Variants in NAALADL2 observed in about 807,000 individuals in gnomAD.
NAALADL2 encodes the protein N-acetylated alpha-linked acidic dipeptidase like 2, also known as inactive N-acetylated-alpha-linked acidic dipeptidase-like protein 2.
A neutral mutation model predicts 87.2 loss-of-function variants in NAALADL2; 76 were observed. The ratio of observed to expected loss-of-function variants is 0.87; its 90% confidence interval spans 0.72 to 1.05. NAALADL2 has a LOEUF of 1.05. Ranked by LOEUF, NAALADL2 falls within the 50% of genes least tolerant of loss-of-function variation. NAALADL2 has a pLI of 0.00. For missense variants in NAALADL2, 1,089 were observed against 945.8 expected (o/e 1.15, Z -1.99); for synonymous variants, 354 against 331.0 (o/e 1.07, Z -0.75).
At chr3:175,603,077 TAGCAGCTTC>T (rs1234518727) in intron 10 of NAALADL2, among the ~76,000 whole-genome samples, 3 of 152,206 alleles carry the variant, frequency 2.0e-5, no homozygotes, top group Non-Finnish European at 4.4e-5. Context: ...TTCAATGCAG[TAGCAGCTTC>T]AGTAACTTTA....
At chr3:175,274,214 C>T (rs1413285258) in intron 4 of NAALADL2, among the ~76,000 whole-genome samples, 1 of 152,048 alleles carries the variant, frequency 6.6e-6, no homozygotes. Flanking sequence ...AGGGGAACTG[C>T]CCTTTTATAG....
intron 2 of NAALADL2, among the ~76,000 whole-genome samples, chr3:174,682,267 T>G (rs2108829496): frequency 6.6e-6 from 1 of 152,236 alleles, no homozygotes; most frequent in Non-Finnish European, 1.5e-5. Flanking sequence ...TTTCCTGAGG[T>G]TTCCAGATAC....
At chr3:175,474,358 T>G (rs535899084) in intron 9 of NAALADL2, among the ~76,000 whole-genome samples, 1 of 152,204 alleles carries the variant, frequency 6.6e-6, no homozygotes, top group African/African-American at 2.4e-5. Flanking sequence ...GATGTTTTAA[T>G]GGATTACAAG....
At chr3:174,966,695 C>T (rs537227935) in intron 1 of NAALADL2, among the ~76,000 whole-genome samples, 21 of 152,082 alleles carry the variant, frequency 1.4e-4, no homozygotes, top group African/African-American at 4.8e-4. Flanking sequence ...TTGACATACC[C>T]AAGTAACATA....
At chr3:174,874,464 A>G (rs979092066) in intron 1 of NAALADL2, among the ~76,000 whole-genome samples, 2 of 152,086 alleles carry the variant, frequency 1.3e-5, no homozygotes, top group Non-Finnish European at 2.9e-5. Flanking sequence ...TGCACCTCAA[A>G]GTGATTAAGA....
intron 3 of NAALADL2, among the ~76,000 whole-genome samples, chr3:174,851,362 T>TTA (rs1418855923): frequency 6.5e-5 from 7 of 107,846 alleles, no homozygotes; most frequent in Admixed American, 4.4e-4. Context: ...TCAGCCAGAC[T>TTA]AAAAAAAAAA....
chr3:175,278,125 C>CAAA lies in NAALADL2; in HGVS notation c.939+21597_939+21598insAAA, dbSNP rs1581233998. On this transcript the variant is annotated intron_variant, in intron 4 of 13. Coordinates refer to ENST00000454872, the MANE Select transcript of NAALADL2 (RefSeq NM_207015.3). ...TGGGCGACAAAGCGAGACTCCGTCT[C>CAAA]AATAATAATAATAATAATAATTTAG... Among the ~76,000 whole-genome samples the CAAA allele has an allele frequency of 2.6e-5, 4 of 151,876 alleles. 1 individual carries two copies. The South Asian group carries it at 8.3e-4, about 32-fold the overall frequency.
At chr3:174,690,398 G>T (rs1336239960) in intron 2 of NAALADL2, among the ~76,000 whole-genome samples, 1 of 152,020 alleles carries the variant, frequency 6.6e-6, no homozygotes, top group African/African-American at 2.4e-5. Flanking sequence ...ACATTTATCT[G>T]TCTGGATACA....
At chr3:174,618,383 T>A (rs561954057) in intron 2 of NAALADL2, among the ~76,000 whole-genome samples, 1 of 151,412 alleles carries the variant, frequency 6.6e-6, no homozygotes, top group East Asian at 1.9e-4. Context: ...TTCTGTCAAG[T>A]CTCTATTATC....
intron 3 of NAALADL2, among the ~76,000 whole-genome samples, chr3:174,843,713 T>C (rs1048652557): frequency 5.3e-5 from 8 of 152,142 alleles, no homozygotes; most frequent in Non-Finnish European, 1.2e-4. Flanking sequence ...TCTTTGGTAA[T>C]GGCCATTCTA....
At chr3:175,674,247 GT>G (rs201365082) in intron 11 of NAALADL2, among the ~76,000 whole-genome samples, 20,215 of 139,792 alleles carry the variant, frequency 0.14, 1,544 homozygotes, top group African/African-American at 0.24. Context: ...AACTGATAGT[GT>G]TTTTTTTTTT....
chr3:175,104,557 G>A (rs1198033942), intron 2 of NAALADL2, among the ~76,000 whole-genome samples: 1 of 151,720 alleles, frequency 6.6e-6, no homozygotes, highest in Non-Finnish European at 1.5e-5. Context: ...TTTGTACTTT[G>A]TCTTCTCTAT....
intron 2 of NAALADL2, among the ~76,000 whole-genome samples, chr3:174,719,107 C>A (rs554023481): frequency 6.6e-6 from 1 of 152,228 alleles, no homozygotes; most frequent in Admixed American, 6.5e-5. Context: ...ATTCACCATG[C>A]TTCATTTGCT....
rs760743013 is a variant in NAALADL2 at position 175,097,015 on chromosome 3, C to T, written c.269C>T (p.Ala90Val). 6.2e-7 allele frequency: 1 copy of T among 1,613,476 alleles called. No individual in the cohort carries two copies. Among genetic ancestry groups the T allele is most frequent in the East Asian group, 2.2e-5 (1 of 44,864 alleles). Residue 90 changes from alanine to valine, a missense_variant, in exon 2 of 14, where the codon GCA becomes GTA. By Grantham distance (64) the Ala-to-Val change is moderately conservative (BLOSUM62 0). Transcript: ENST00000454872. ...IDLNLDSIQP[A>V]TSPKGRFQRL... Reference sequence around the variant, plus strand: ...CTCAATCTTGATTCCATTCAACCAGCAACTTCACCCAAAGGAAGGTTCCAG... The same window carrying T: ...CTCAATCTTGATTCCATTCAACCAGTAACTTCACCCAAAGGAAGGTTCCAG...
chr3:175,346,830 G>C (rs1013575477), intron 5 of NAALADL2, among the ~76,000 whole-genome samples: 1 of 152,054 alleles, frequency 6.6e-6, no homozygotes, highest in Non-Finnish European at 1.5e-5. Flanking sequence ...TTGCTTCTTT[G>C]GCTCTATTCA....
At chr3:175,718,681 T>A (rs774970847) in intron 11 of NAALADL2, 26 of 1,544,362 alleles carry the variant, frequency 1.7e-5, no homozygotes, top group Admixed American at 5.0e-5. Flanking sequence ...TGCGTTTTCT[T>A]GTATTTTTAT....
chr3:175,566,031 T>C (rs927530702), intron 9 of NAALADL2, among the ~76,000 whole-genome samples: 1 of 152,048 alleles, frequency 6.6e-6, no homozygotes, highest in African/African-American at 2.4e-5. Context: ...GGTTTTGCCA[T>C]GTTGGCCAGG....
chr3:175,540,729 C>T (rs1712167616), intron 9 of NAALADL2, among the ~76,000 whole-genome samples: 1 of 151,898 alleles, frequency 6.6e-6, no homozygotes, highest in Non-Finnish European at 1.5e-5. Flanking sequence ...AAATGTGATC[C>T]AAAATACTAG....
chr3:174,941,853 G>A (rs183615931), intron 1 of NAALADL2, among the ~76,000 whole-genome samples: 162 of 151,996 alleles, frequency 1.1e-3, no homozygotes, highest in African/African-American at 3.9e-3. Flanking sequence ...CATTTGCATG[G>A]TGGATTTTCC....
Sources: gnomAD v4.1 joint callset for allele counts (sites outside exome capture counted in the v4.1 genomes callset) on GRCh38, gnomAD v4.1.1 for gene constraint, MANE v1.5 for transcripts, NCBI Gene and HGNC (gene_info 2026-07-23, HGNC 2026-07-21) for gene names.